The following NUP214 variants were observed in gnomAD, a reference collection of about 807,000 sequenced individuals.
NUP214 encodes nuclear pore complex protein Nup214.
NUP214 carries 79 observed loss-of-function variants against 196.2 expected under a neutral mutation model. That is an observed-to-expected ratio of 0.40 (90% CI 0.34 to 0.49). The LOEUF (loss-of-function observed/expected upper bound fraction) is 0.49. NUP214 is among the 20% of genes least tolerant of loss of function. The probability of loss-of-function intolerance (pLI) is 0.58; values close to 1 mark genes in which losing one functional copy is unlikely to be tolerated. For synonymous variants in NUP214, 1,020 were observed against 990.5 expected (o/e 1.03, Z -0.56); for missense variants, 2,468 against 2,539.0 (o/e 0.97, Z 0.60).
At chr9:131,127,469 C>A in intron 1 of NUP214, 55 bp from the exon 2 acceptor site, 2 of 1,420,744 alleles carry the variant, frequency 1.4e-6, no homozygotes, top group Non-Finnish European at 2.0e-6. Flanking sequence ...CTGAATATAA[C>A]ATGTTTTAAT....
rs1282800514 is a variant in NUP214 at position 131,198,224 on chromosome 9, C to G, written c.4730C>G (p.Ala1577Gly). The change falls in exon 29 of 36, where the codon GCC becomes GGC. Residue 1577 changes from alanine to glycine, a missense_variant. Physicochemically the swap from Ala to Gly is moderately conservative, Grantham distance 60. Coordinates refer to ENST00000359428, the MANE Select transcript of NUP214 (RefSeq NM_005085.4). ...CCAGCCACCACGGGGGTCCCTGATG[C>G]CAGGACGGAGGCAGTACCACCTGCT... Reference protein sequence around the residue: ...ATPATTGVPDARTEAVPPASS... With the variant: ...ATPATTGVPDGRTEAVPPASS... 5 of 1,614,100 alleles carry G rather than the reference C, an allele frequency of 3.1e-6. No homozygotes were observed. Among genetic ancestry groups the G allele is most frequent in the Non-Finnish European group, 4.2e-6 (5 of 1,180,044 alleles).
At chr9:131,196,032 C>CCCCCCCCCT (rs1833775874) in intron 28 of NUP214, among the ~76,000 whole-genome samples, 1 of 34,566 alleles carries the variant, frequency 2.9e-5, no homozygotes, top group Non-Finnish European at 1.4e-4. Flanking sequence ...GTGTCCCCCC[C>CCCCCCCCCT]CCCCCCCGCG....
intron 1 of NUP214, chr9:131,126,913 A>G (rs950573633): frequency 2.6e-5 from 4 of 152,218 alleles, no homozygotes. Context: ...GTTGTGTCAT[A>G]TTCCTCAGAT....
intron 17 of NUP214, among the ~76,000 whole-genome samples, chr9:131,152,921 G>A (rs1186052337): frequency 1.3e-5 from 2 of 151,950 alleles, no homozygotes; most frequent in Non-Finnish European, 2.9e-5. Context: ...GAGTACAGGT[G>A]TGTGCCACCA....
At position 131,198,138 on chromosome 9, in the gene NUP214, C is replaced by T. The variant is rs1278421698; in HGVS notation, c.4644C>T (p.Val1548=). 2.5e-6 allele frequency: 4 copies of T among 1,614,238 alleles called. No homozygotes were observed. Among genetic ancestry groups the T allele is most frequent in the Non-Finnish European group, 3.4e-6 (4 of 1,180,032 alleles). The stretch of plus-strand genomic sequence containing the variant: ...AACCTGTTCTTGCCCAGCCTGCAGT[C>T]AGCAACTCTGGCACTGCAGCATCTA... ...KKEPVLAQPA[V]SNSGTAASST... The change falls in exon 29 of 36, where the codon GTC becomes GTT. Residue 1548 remains valine (V), a synonymous_variant. Transcript: ENST00000359428.
chr9:131,226,880 G>T (rs1834739002), intron 32 of NUP214, among the ~76,000 whole-genome samples: 1 of 152,212 alleles, frequency 6.6e-6, no homozygotes, highest in Non-Finnish European at 1.5e-5. Flanking sequence ...TCAGATGGCA[G>T]AAGCTTGTGT....
intron 10 of NUP214, among the ~76,000 whole-genome samples, chr9:131,140,233 A>G (rs1008970323): frequency 1.3e-5 from 2 of 152,076 alleles, no homozygotes; most frequent in African/African-American, 4.8e-5. Context: ...TGCCAAGCCT[A>G]CCTCCACTGA....
chr9:131,141,336 A>G (rs2148659), intron 11 of NUP214, among the ~76,000 whole-genome samples: 41,394 of 151,938 alleles, frequency 0.27, 5,941 homozygotes, highest in East Asian at 0.42. Context: ...ATGTTTATTG[A>G]AGGAAAATGA....
Position 131,234,598 on chromosome 9 carries a change from T to C in NUP214, c.*1111T>C, listed in dbSNP as rs1251044940. On this transcript the variant is annotated 3_prime_UTR_variant, in exon 36 of 36. Coordinates refer to ENST00000359428, the MANE Select transcript of NUP214 (RefSeq NM_005085.4). ...GGAGTTGGGAAGAGATTTTTTTTTT[T>C]AGAGTTTTACATATTGGCAGGTTGT... is the stretch of plus-strand genomic sequence containing the variant. 4.4e-6 allele frequency: 1 copy of C among 229,186 alleles called. No homozygotes were observed. The highest frequency in any genetic ancestry group is 8.6e-6 in the Non-Finnish European group (1 of 115,686). The allele number at this position is 229,186 out of a possible 1,614,324, so 14.2% of individuals were successfully genotyped here. A position where few individuals can be genotyped will look rare whatever the true frequency, so the allele number is the denominator to read the frequency against.
intron 25 of NUP214, among the ~76,000 whole-genome samples, chr9:131,187,851 C>T (rs1315776925): frequency 6.6e-6 from 1 of 152,230 alleles, no homozygotes; most frequent in Admixed American, 6.5e-5. Context: ...CAGGGTAGGT[C>T]AGTCAGGACC....
At chr9:131,153,047 G>A (rs1832321138) in intron 17 of NUP214, 1 of 152,080 alleles carries the variant, frequency 6.6e-6, no homozygotes, top group African/African-American at 2.4e-5. Context: ...AAAATTCTGG[G>A]GTTACAGGTG....
At chr9:131,159,858 C>T (rs1022975045) in intron 18 of NUP214, among the ~76,000 whole-genome samples, 1 of 122,772 alleles carries the variant, frequency 8.1e-6, no homozygotes. Context: ...ATTCCCATCT[C>T]AAAAAAAAAA....
chr9:131,135,060 G>A, intron 8 of NUP214, 56 bp downstream of exon 8: 1 of 1,169,810 alleles, frequency 8.5e-7, no homozygotes, highest in Non-Finnish European at 1.3e-6. Flanking sequence ...TCACACCTGA[G>A]TCACCTTGTC....
rs534018089 is a variant in NUP214 at position 131,156,290 on chromosome 9, G to A, written c.2437-3093G>A. On this transcript the variant is annotated intron_variant, in intron 17 of 35. Coordinates refer to ENST00000359428, the MANE Select transcript of NUP214 (RefSeq NM_005085.4). ...TGGAACTACAGGCGCCTGCCACCAC[G>A]CCCGGCTAATTTTTTGTATTTTCAG... Among the ~76,000 whole-genome samples, 16 of 151,926 alleles carry A rather than the reference G, an allele frequency of 1.1e-4. No homozygotes were observed. In the South Asian group the frequency reaches 2.5e-3, roughly 24 times the overall value.
intron 9 of NUP214, 133 bp downstream of exon 9, chr9:131,136,139 C>T: frequency 2.9e-6 from 2 of 695,654 alleles, no homozygotes; most frequent in Admixed American, 2.9e-5. Flanking sequence ...CTTCCAAGTT[C>T]AAGCAATTTT....
intron 29 of NUP214, among the ~76,000 whole-genome samples, chr9:131,200,739 ACTC>A (rs923817228): frequency 6.6e-6 from 1 of 151,056 alleles, no homozygotes; most frequent in Non-Finnish European, 1.5e-5. Context: ...CGAGAGTAGA[ACTC>A]CTGCCTTCTC....
intron 27 of NUP214, 69 bp from the exon 28 acceptor site, chr9:131,195,164 T>G: frequency 9.3e-7 from 1 of 1,073,592 alleles, no homozygotes. Flanking sequence ...AATGATAAAA[T>G]GGAATATTAA....
intron 24 of NUP214, among the ~76,000 whole-genome samples, chr9:131,181,714 A>G (rs1317873816): frequency 3.3e-5 from 5 of 152,176 alleles, no homozygotes; most frequent in South Asian, 2.1e-4. Flanking sequence ...TCTTTATATA[A>G]TCTGTATTCA....
rs760155016 is a variant in NUP214, at chr9:131,163,191, A to G, written c.2723+18A>G. The G allele has an allele frequency of 1.9e-6, 3 of 1,596,350 alleles. No individual in the cohort carries two copies. Among genetic ancestry groups the G allele is most frequent in the Admixed American group, 1.8e-5 (1 of 54,936 alleles). On this transcript the variant is annotated intron_variant, in intron 19 of 35. Coordinates refer to ENST00000359428, the MANE Select transcript of NUP214 (RefSeq NM_005085.4). ...ATTCACAGGTGTGGAGAGGACTTGC[A>G]CTCAATAAATATGGGTGAATGAATG...
Sources: allele counts gnomAD v4.1 joint callset (sites outside exome capture counted in the v4.1 genomes callset), GRCh38; gene constraint gnomAD v4.1.1; transcripts MANE v1.5; gene names NCBI Gene and HGNC (gene_info 2026-07-23, HGNC 2026-07-21).